Variants in NISCH observed in about 807,000 individuals in gnomAD.
NISCH encodes the protein nischarin, also known as I-1 receptor candidate protein.
Under a neutral mutation model 138.4 loss-of-function variants are expected in NISCH, and 55 were observed. The observed-to-expected ratio is 0.40, with a 90% CI of 0.32 to 0.50. The LOEUF is 0.50. Ranked by LOEUF, NISCH falls within the 20% of genes least tolerant of loss-of-function variation. The probability of loss-of-function intolerance (pLI) is 0.71; values close to 1 mark genes in which losing one functional copy is unlikely to be tolerated. For missense variants in NISCH, 1,643 were observed against 2,005.5 expected (o/e 0.82, Z 3.45); for synonymous variants, 860 against 861.5 (o/e 1.00, Z 0.03).
intron 13 of NISCH, chr3:52,481,304 T>G: frequency 9.8e-7 from 1 of 1,022,378 alleles, no homozygotes; most frequent in Non-Finnish European, 1.2e-6. Flanking sequence ...GGAGAAGCAT[T>G]CAAGTTAAGG....
At chr3:52,465,568 T>C (rs901602923) in intron 3 of NISCH, among the ~76,000 whole-genome samples, 4 of 152,316 alleles carry the variant, frequency 2.6e-5, no homozygotes, top group African/African-American at 9.6e-5. Flanking sequence ...GCTCTTCAGA[T>C]TGCTGTGTCC....
intron 3 of NISCH, among the ~76,000 whole-genome samples, chr3:52,461,862 CAAAAAAA>C (rs570499799): frequency 1.8e-5 from 1 of 56,450 alleles, no homozygotes; most frequent in Non-Finnish European, 3.8e-5. Context: ...GACTCCGTCA[CAAAAAAA>C]AAAAAAAAAG....
At position 52,489,441 on chromosome 3, in the gene NISCH, G is replaced by C; in HGVS notation, c.3219G>C (p.Lys1073Asn). The change falls in exon 17 of 21, where the codon AAG becomes AAC. Residue 1073 changes from lysine to asparagine, a missense_variant. Coordinates refer to ENST00000345716, the MANE Select transcript of NISCH (RefSeq NM_007184.4). ...PAAASASGPAKTPAPAEASTS... is the reference protein window; with the variant it reads ...PAAASASGPANTPAPAEASTS... ...CAGCCTCAGCCTCAGGCCCAGCGAA[G>C]ACTCCGGCCCCAGCAGAGGCCTCAA... 1.2e-6 allele frequency: 2 copies of C among 1,603,564 alleles called. No individual in the cohort carries two copies. Among genetic ancestry groups the C allele is most frequent in the Non-Finnish European group, 1.7e-6 (2 of 1,171,448 alleles).
At position 52,478,523 on chromosome 3, in the gene NISCH, C is replaced by A; in HGVS notation, c.1248C>A (p.Ile416=). The A allele has an allele frequency of 1.9e-6, 3 of 1,614,202 alleles. No homozygotes were observed. Among genetic ancestry groups the A allele is most frequent in the Non-Finnish European group, 2.5e-6 (3 of 1,180,042 alleles). The change falls in exon 11 of 21, where the codon ATC becomes ATA. Residue 416 remains isoleucine (I), a synonymous_variant. Coordinates refer to ENST00000345716, the MANE Select transcript of NISCH (RefSeq NM_007184.4). Reference sequence around the variant, plus strand: ...CTCTGCTGAACAACCCTCTGAGCATCATCCCCGACTACCGGACCAAGGTGC... The same window carrying A: ...CTCTGCTGAACAACCCTCTGAGCATAATCCCCGACTACCGGACCAAGGTGC... The part of the protein sequence containing the change: ...HVSLLNNPLS[I]IPDYRTKVLA...
intron 3 of NISCH, among the ~76,000 whole-genome samples, chr3:52,468,890 G>A (rs1357421635): frequency 1.3e-5 from 2 of 151,978 alleles, no homozygotes; most frequent in Admixed American, 1.3e-4. Flanking sequence ...AGAGGCCCAA[G>A]AAGTCATGAA....
At chr3:52,479,118 C>A (rs371259133) in intron 11 of NISCH, among the ~76,000 whole-genome samples, 18 of 152,318 alleles carry the variant, frequency 1.2e-4, no homozygotes, top group East Asian at 7.7e-4. Flanking sequence ...CCGCAAGTGC[C>A]CCTTCCTCCA....
Position 52,487,362 on chromosome 3 carries a change from G to T in NISCH, c.1870G>T (p.Ala624Ser). ...IERQLPAWIEAANQREEGQGE... is the reference protein window; with the variant it reads ...IERQLPAWIESANQREEGQGE... ...GCGGCAGCTGCCTGCCTGGATCGAG[G>T]CTGCCAACCAGCGGGAGGAGGGCCA... The change falls in exon 16 of 21, where the codon GCT becomes TCT. Residue 624 changes from alanine to serine, a missense_variant. By Grantham distance (99) the Ala-to-Ser change is moderately conservative (BLOSUM62 1). Coordinates refer to ENST00000345716, the MANE Select transcript of NISCH (RefSeq NM_007184.4). This position sits in a 1 kb window ranked among gnomAD's most constrained non-coding sequence, Gnocchi z 9.1. 6.2e-7 allele frequency: 1 copy of T among 1,614,130 alleles called. No individual in the cohort carries two copies. The highest frequency in any genetic ancestry group is 8.5e-7 in the Non-Finnish European group (1 of 1,180,040).
At chr3:52,480,651 G>A (rs1049318743) in intron 13 of NISCH, 7 of 1,424,030 alleles carry the variant, frequency 4.9e-6, no homozygotes, top group Non-Finnish European at 6.4e-6. Flanking sequence ...TTGGCTCCTG[G>A]TTACAGGAAG....
chr3:52,481,563 C>T, intron 13 of NISCH: 1 of 985,524 alleles, frequency 1.0e-6, no homozygotes, highest in Non-Finnish European at 1.2e-6. Flanking sequence ...TACCATATGA[C>T]TGTAGGCCTC....
Position 52,492,050 on chromosome 3 carries a change from T to A in NISCH, c.4083T>A (p.Pro1361=). Reference sequence around the variant, plus strand: ...CCTTCCAGGTGGGCATGCCACCCCCTGGGTGCTGCAGGGGCCCCCTGCGCC... The same window carrying A: ...CCTTCCAGGTGGGCATGCCACCCCCAGGGTGCTGCAGGGGCCCCCTGCGCC... ...VQAFQVGMPP[P]GCCRGPLRPK... is the part of the protein sequence containing the mutation. Residue 1361 remains proline (P), a synonymous_variant, in exon 21 of 21, where the codon CCT becomes CCA. Coordinates refer to ENST00000345716, the MANE Select transcript of NISCH (RefSeq NM_007184.4). 3.7e-6 allele frequency: 6 copies of A among 1,613,042 alleles called. No individual in the cohort carries two copies. Among genetic ancestry groups the A allele is most frequent in the Non-Finnish European group, 5.1e-6 (6 of 1,179,926 alleles).
intron 3 of NISCH, among the ~76,000 whole-genome samples, chr3:52,465,298 T>A (rs1389888125): frequency 2.0e-5 from 3 of 151,830 alleles, no homozygotes; most frequent in African/African-American, 7.3e-5. Context: ...CTTGGCTAAT[T>A]TTTGTACTTT....
intron 3 of NISCH, among the ~76,000 whole-genome samples, chr3:52,463,534 C>G (rs1480738035): frequency 6.6e-6 from 1 of 152,112 alleles, no homozygotes; most frequent in African/African-American, 2.4e-5. Context: ...AAATTGTTCT[C>G]CACAGTTGTT....
At chr3:52,457,506 A>G in intron 1 of NISCH, among the ~76,000 whole-genome samples, 1 of 152,340 alleles carries the variant, frequency 6.6e-6, no homozygotes, top group East Asian at 1.9e-4. Context: ...TGAGTTACCT[A>G]GAGGCAGGAG....
Position 52,491,359 on chromosome 3 carries a change from C to T in NISCH, c.3750C>T (p.Thr1250=), listed in dbSNP as rs944264525. 5.6e-6 allele frequency: 9 copies of T among 1,611,318 alleles called. No individual in the cohort carries two copies. Among genetic ancestry groups the T allele is most frequent in the Non-Finnish European group, 7.6e-6 (9 of 1,179,066 alleles). The change falls in exon 20 of 21, where the codon ACC becomes ACT. Residue 1250 remains threonine (T), a synonymous_variant. Coordinates refer to ENST00000345716, the MANE Select transcript of NISCH (RefSeq NM_007184.4). ...CAGCCCCTTCTCGTGCAGGTTCCAC[C>T]CCGATGCAGGTGGTCACGTGCTTGA... ...FDQHFRLTGS[T]PMQVVTCLTR...
In NISCH at chr3:52,488,216, C is replaced by G; in HGVS notation, c.2724C>G (p.Tyr908Ter). 2 of 1,612,676 alleles carry G rather than the reference C, an allele frequency of 1.2e-6. No individual in the cohort carries two copies. Among genetic ancestry groups the G allele is most frequent in the Non-Finnish European group, 1.7e-6 (2 of 1,179,978 alleles). Residue 908 changes from tyrosine (Y) to a stop codon, truncating the protein, a stop_gained, in exon 16 of 21, where the codon TAC becomes TAG. Transcript: ENST00000345716. LOFTEE classifies it high-confidence loss of function. ...CCGTCAAGTCCGCCGCCATCCCCTA[C>G]TGGCTGTTGCTCACGCCCCAGCACC... ...SEAVKSAAIP[Y>*]WLLLTPQHLN... is the part of the protein sequence containing the mutation.
intron 16 of NISCH, 141 bp from the exon 17 acceptor site, chr3:52,489,195 C>T (rs974031528): frequency 9.9e-7 from 1 of 1,010,852 alleles, no homozygotes; most frequent in Non-Finnish European, 1.5e-6. Flanking sequence ...GTTCTGTTCT[C>T]CAATAGAGAA....
chr3:52,477,518 C>G (rs1707137135), intron 8 of NISCH, 56 bp from the exon 9 acceptor site: 1 of 1,478,004 alleles, frequency 6.8e-7, no homozygotes, highest in Non-Finnish European at 9.5e-7. Context: ...GTGTCGGGGA[C>G]CGTGTTTGGG....
In NISCH at chr3:52,485,778, G is replaced by A; in HGVS notation, c.1654G>A (p.Ala552Thr). ...CTGACTGTGTTTCTTTCTCCATCAG[G>A]CAGCTTCCGATGATTTAAGGGACGT... ...DSLESIPAGQ[A>T]ASDDLRDVPG... is the part of the protein sequence containing the mutation. Residue 552 changes from alanine (A) to threonine (T), a missense_variant and splice_region_variant, in exon 15 of 21, where the codon GCA (alanine) becomes ACA (threonine). Ala to Thr is a moderately conservative substitution (Grantham distance 58). Coordinates refer to ENST00000345716, the MANE Select transcript of NISCH (RefSeq NM_007184.4). 1 of 1,579,510 alleles carries A rather than the reference G, an allele frequency of 6.3e-7. No homozygotes were observed.
At chr3:52,490,905 AC>A in intron 19 of NISCH, 72 bp downstream of exon 19, 1 of 1,584,180 alleles carries the variant, frequency 6.3e-7, no homozygotes, top group Non-Finnish European at 8.6e-7. Context: ...CACCTTCCGT[AC>A]GTGGGTGGGT....
Sources: gnomAD v4.1 joint callset for allele counts (sites outside exome capture counted in the v4.1 genomes callset) on GRCh38, gnomAD v4.1.1 for gene constraint, Gnocchi (gnomAD v3.1) non-coding constraint, MANE v1.5 for transcripts, NCBI Gene and HGNC (gene_info 2026-07-23, HGNC 2026-07-21) for gene names.